Variants in SHISA8 observed in about 807,000 individuals in gnomAD.
SHISA8 encodes the protein protein shisa-8.
A neutral mutation model predicts 21.1 loss-of-function variants in SHISA8; 21 were observed. The observed-to-expected ratio is 0.99, with a 90% CI of 0.71 to 1.43. The LOEUF is 1.43. Ranked by LOEUF, SHISA8 falls within the 40% of genes most tolerant of loss-of-function variation. SHISA8 has a pLI of 0.00. For missense variants in SHISA8, 535 were observed against 599.1 expected (o/e 0.89, Z 1.12); for synonymous variants, 300 against 291.4 (o/e 1.03, Z -0.30).
chr22:41,911,242 G>A lies in SHISA8; in HGVS notation c.638C>T (p.Pro213Leu). ...TGCGCTGTTGTGGGGGGAGCCCCGG[G>A]GGAGGCCGTCCCCCATCTGCACCTG... is the stretch of plus-strand genomic sequence containing the variant. ...CVQVQMGDGL[P>L]RGSPHNSADK... Residue 213 changes from proline (P) to leucine (L), a missense_variant, in exon 2 of 4, where the codon CCC becomes CTC. Physicochemically the swap from Pro to Leu is moderately conservative, Grantham distance 98. Coordinates refer to ENST00000621082, the MANE Select transcript of SHISA8 (RefSeq NM_001207020.3). 2.3e-6 allele frequency: 3 copies of A among 1,284,306 alleles called. No individual in the cohort carries two copies. Among genetic ancestry groups the A allele is most frequent in the Non-Finnish European group, 2.0e-6 (2 of 1,015,956 alleles). The allele number at this position is 1,284,306 out of a possible 1,614,324, so 79.6% of individuals were successfully genotyped here. A position where few individuals can be genotyped will look rare whatever the true frequency, so the allele number is the denominator to read the frequency against.
chr22:41,911,524 T>TC (rs2077553523), intron 1 of SHISA8, among the ~76,000 whole-genome samples, 175 bp from the exon 2 acceptor site: 1 of 152,152 alleles, frequency 6.6e-6, no homozygotes, highest in Non-Finnish European at 1.5e-5. Context: ...TCTGCCAGCC[T>TC]CACCTGTGGC....
rs2077545318 is a variant in SHISA8 at position 41,910,644 on chromosome 22, G to A, written c.665-90C>T. On this transcript the variant is annotated intron_variant, in intron 2 of 3. Transcript: ENST00000621082. This position sits in a 1 kb window ranked among gnomAD's most constrained non-coding sequence, Gnocchi z 6.8. ...TCTCCGTAGTCCTCTCCCCGAGGCCGTTCGGTGAGAACCTGGGGGACCGTT... is the reference window on the plus strand; with the variant it reads ...TCTCCGTAGTCCTCTCCCCGAGGCCATTCGGTGAGAACCTGGGGGACCGTT... The A allele has an allele frequency of 1.7e-6, 2 of 1,195,262 alleles. No individual in the cohort carries two copies. Among genetic ancestry groups the A allele is most frequent in the African/African-American group, 1.6e-5 (1 of 63,134 alleles). 74.0% of individuals were successfully genotyped at this position (1,195,262 alleles called of 1,614,324 possible). A position where few individuals can be genotyped will look rare whatever the true frequency, so the allele number is the denominator to read the frequency against.
At position 41,910,859 on chromosome 22, in the gene SHISA8, G is replaced by A. The variant is rs368275170; in HGVS notation, c.665-305C>T. 2.0e-5 allele frequency among the ~76,000 whole-genome samples: 3 copies of A among 152,222 alleles called. No individual in the cohort carries two copies. Among genetic ancestry groups the A allele is most frequent in the African/African-American group, 7.2e-5 (3 of 41,540 alleles). On this transcript the variant is annotated intron_variant, in intron 2 of 3. Coordinates refer to ENST00000621082, the MANE Select transcript of SHISA8 (RefSeq NM_001207020.3). This position sits in a 1 kb window ranked among gnomAD's most constrained non-coding sequence, Gnocchi z 6.8. The stretch of plus-strand genomic sequence containing the variant: ...TGGGACCTGCTCCCGCCGAGACGGG[G>A]GATGTCTGAGGAACAGAACCCAGAC...
rs2077579859 is a variant in SHISA8 at position 41,915,073 on chromosome 22, C to T, written c.-406G>A. 1.4e-5 allele frequency among the ~76,000 whole-genome samples: 2 copies of T among 146,764 alleles called. No individual in the cohort carries two copies. Among genetic ancestry groups the T allele is most frequent in the South Asian group, 4.2e-4 (2 of 4,798 alleles). Reference sequence around the variant, plus strand: ...CCGCGCTCTCAGTACAGCCCGCGCTCTGGCTCCGGCTCCGGCTCCGGCTCC... The same window carrying T: ...CCGCGCTCTCAGTACAGCCCGCGCTTTGGCTCCGGCTCCGGCTCCGGCTCC... On this transcript the variant is annotated 5_prime_UTR_variant, in exon 1 of 4. Transcript: ENST00000621082. The surrounding 1 kb of genome is among the most constrained non-coding windows in gnomAD (Gnocchi z 5.0).
In SHISA8 at chr22:41,911,239, C is replaced by CG; in HGVS notation, c.640dup (p.Arg214ProfsTer154). 1.6e-6 allele frequency: 2 copies of CG among 1,279,974 alleles called. No homozygotes were observed. The highest frequency in any genetic ancestry group is 2.0e-6 in the Non-Finnish European group (2 of 1,013,740). 79.3% of individuals were successfully genotyped at this position (1,279,974 alleles called of 1,614,324 possible). A position where few individuals can be genotyped will look rare whatever the true frequency, so the allele number is the denominator to read the frequency against. On this transcript the variant is annotated frameshift_variant, in exon 2 of 4. Coordinates refer to ENST00000621082, the MANE Select transcript of SHISA8 (RefSeq NM_001207020.3). LOFTEE classifies it high-confidence loss of function. ...ACCTGCGCTGTTGTGGGGGGAGCCC[C>CG]GGGGGAGGCCGTCCCCCATCTGCAC...
At chr22:41,913,142 G>T (rs1393957995) in intron 1 of SHISA8, among the ~76,000 whole-genome samples, 2 of 152,236 alleles carry the variant, frequency 1.3e-5, no homozygotes, top group East Asian at 3.8e-4. Context: ...GGAGAAAGTG[G>T]GCTACGTGGT....
In SHISA8 at chr22:41,914,110, C is replaced by A. The variant is rs1029403056; in HGVS notation, c.530+28G>T. The A allele has an allele frequency of 6.7e-5, 93 of 1,381,426 alleles. No homozygotes were observed. The highest frequency in any genetic ancestry group is 8.3e-5 in the Non-Finnish European group (89 of 1,075,924). 85.6% of individuals were successfully genotyped at this position (1,381,426 alleles called of 1,614,324 possible). Reference sequence around the variant, plus strand: ...CAGGGAGAGCAGTCCGAGGAGCAGGCGGGGGTCCCTGGGCGGCGCGTGCTC... The same window carrying A: ...CAGGGAGAGCAGTCCGAGGAGCAGGAGGGGGTCCCTGGGCGGCGCGTGCTC... On this transcript the variant is annotated intron_variant, in intron 1 of 3. Coordinates refer to ENST00000621082, the MANE Select transcript of SHISA8 (RefSeq NM_001207020.3). The surrounding 1 kb of genome is among the most constrained non-coding windows in gnomAD (Gnocchi z 6.8).
At position 41,911,118 on chromosome 22, in the gene SHISA8, G is replaced by A. The variant is rs1014485271; in HGVS notation, c.664+98C>T. On this transcript the variant is annotated intron_variant, in intron 2 of 3. Coordinates refer to ENST00000621082, the MANE Select transcript of SHISA8 (RefSeq NM_001207020.3). Reference sequence around the variant, plus strand: ...GCAGAGGCCGCGGCTCATTTCCACCGGGGAAGCCTCTATGCCCCAGCCGAG... The same window carrying A: ...GCAGAGGCCGCGGCTCATTTCCACCAGGGAAGCCTCTATGCCCCAGCCGAG... 18 of 1,223,406 alleles carry A rather than the reference G, an allele frequency of 1.5e-5. No individual in the cohort carries two copies. The African/African-American group carries it at 2.6e-4, about 18-fold the overall frequency. The allele number at this position is 1,223,406 out of a possible 1,614,324, so 75.8% of individuals were successfully genotyped here. A position where few individuals can be genotyped will look rare whatever the true frequency, so the allele number is the denominator to read the frequency against.
rs1351582560 is a variant in SHISA8 at position 41,910,738 on chromosome 22, C to A, written c.665-184G>T. Among the ~76,000 whole-genome samples the A allele has an allele frequency of 6.6e-6, 1 of 152,154 alleles. No homozygotes were observed. The highest frequency in any genetic ancestry group is 1.5e-5 in the Non-Finnish European group (1 of 68,008). ...CCAGCGCCTGGAACAGGGCCTGGCT[C>A]CGAGTCACGCGCAGCGGCGGCGGCA... On this transcript the variant is annotated intron_variant, in intron 2 of 3. Coordinates refer to ENST00000621082, the MANE Select transcript of SHISA8 (RefSeq NM_001207020.3). This position sits in a 1 kb window ranked among gnomAD's most constrained non-coding sequence, Gnocchi z 6.8.
Position 41,914,019 on chromosome 22 carries a change from G to A in SHISA8, c.530+119C>T. ...GGGCGGCGGGGGGAGAAGGAGACAG[G>A]AAAACCCAGAGAAGGGGCCTGCTGG... is the stretch of plus-strand genomic sequence containing the variant. On this transcript the variant is annotated intron_variant, in intron 1 of 3. Coordinates refer to ENST00000621082, the MANE Select transcript of SHISA8 (RefSeq NM_001207020.3). This position sits in a 1 kb window ranked among gnomAD's most constrained non-coding sequence, Gnocchi z 6.8. 1 of 1,152,396 alleles carries A rather than the reference G, an allele frequency of 8.7e-7. No individual in the cohort carries two copies. The highest frequency in any genetic ancestry group is 3.3e-4 in the Middle Eastern group (1 of 3,042). The allele number at this position is 1,152,396 out of a possible 1,614,324, so 71.4% of individuals were successfully genotyped here.
In SHISA8 at chr22:41,910,910, C is replaced by A. The variant is rs558856662; in HGVS notation, c.664+306G>T. On this transcript the variant is annotated intron_variant, in intron 2 of 3. Transcript: ENST00000621082. This position sits in a 1 kb window ranked among gnomAD's most constrained non-coding sequence, Gnocchi z 6.8. ...GGGGCGTGGGGGCTGCCAAGCCTGCCTGCCTCTCGAGAGACCCAGGGGGAG... is the reference window on the plus strand; with the variant it reads ...GGGGCGTGGGGGCTGCCAAGCCTGCATGCCTCTCGAGAGACCCAGGGGGAG... Among the ~76,000 whole-genome samples the A allele has an allele frequency of 2.0e-5, 3 of 152,276 alleles. No individual in the cohort carries two copies. The highest frequency in any genetic ancestry group is 2.0e-4 in the Admixed American group (3 of 15,306).
Position 41,914,645 on chromosome 22 carries a change from C to G in SHISA8, c.23G>C (p.Gly8Ala). 1 of 1,024,006 alleles carries G rather than the reference C, an allele frequency of 9.8e-7. No individual in the cohort carries two copies. 63.4% of individuals were successfully genotyped at this position (1,024,006 alleles called of 1,614,324 possible). A position where few individuals can be genotyped will look rare whatever the true frequency, so the allele number is the denominator to read the frequency against. The change falls in exon 1 of 4, where the codon GGA (glycine) becomes GCA (alanine). Residue 8 changes from glycine to alanine, a missense_variant. Physicochemically the swap from Gly to Ala is moderately conservative, Grantham distance 60 (BLOSUM62 0). Transcript: ENST00000621082. The surrounding 1 kb of genome is among the most constrained non-coding windows in gnomAD (Gnocchi z 6.8). ...GGGAGGACGGCGGCCGCCGAGCAGTCCCCGCGCCCCGGCCCGCGCCATCGG... is the reference window on the plus strand; with the variant it reads ...GGGAGGACGGCGGCCGCCGAGCAGTGCCCGCGCCCCGGCCCGCGCCATCGG... MARAGAR[G>A]LLGGRRPPGL...
Position 41,914,063 on chromosome 22 carries a change from A to G in SHISA8, c.530+75T>C. 1.6e-6 allele frequency: 2 copies of G among 1,288,184 alleles called. No individual in the cohort carries two copies. Among genetic ancestry groups the G allele is most frequent in the Middle Eastern group, 3.0e-4 (1 of 3,308 alleles). The allele number at this position is 1,288,184 out of a possible 1,614,324, so 79.8% of individuals were successfully genotyped here. A position where few individuals can be genotyped will look rare whatever the true frequency, so the allele number is the denominator to read the frequency against. ...CTGCTGGGAGAACCAGCGCTTCGAG[A>G]GCGGCGGGAAGGATCAGCGGGCAGG... is the stretch of plus-strand genomic sequence containing the variant. On this transcript the variant is annotated intron_variant, in intron 1 of 3. Coordinates refer to ENST00000621082, the MANE Select transcript of SHISA8 (RefSeq NM_001207020.3). This position sits in a 1 kb window ranked among gnomAD's most constrained non-coding sequence, Gnocchi z 6.8.
In SHISA8 at chr22:41,914,236, A is replaced by C; in HGVS notation, c.432T>G (p.Ala144=). The C allele has an allele frequency of 7.1e-7, 1 of 1,415,966 alleles. No individual in the cohort carries two copies. The highest frequency in any genetic ancestry group is 3.1e-5 in the East Asian group (1 of 32,704). The allele number at this position is 1,415,966 out of a possible 1,614,324, so 87.7% of individuals were successfully genotyped here. Reference sequence around the variant, plus strand: ...CCAGCAGCGCTGCGACGCCGCACACAGCGTAGACGGCCGTATGGCTGCGCT... The same window carrying C: ...CCAGCAGCGCTGCGACGCCGCACACCGCGTAGACGGCCGTATGGCTGCGCT... ...GRERSHTAVY[A]VCGVAALLVL... is the part of the protein sequence containing the mutation. The change falls in exon 1 of 4, where the codon GCT becomes GCG. Residue 144 remains alanine, a synonymous_variant. Coordinates refer to ENST00000621082, the MANE Select transcript of SHISA8 (RefSeq NM_001207020.3). This position sits in a 1 kb window ranked among gnomAD's most constrained non-coding sequence, Gnocchi z 6.8.
At chr22:41,911,072 G>A in intron 2 of SHISA8, 144 bp downstream of exon 2, 2 of 1,099,522 alleles carry the variant, frequency 1.8e-6, no homozygotes, top group Non-Finnish European at 2.3e-6. Flanking sequence ...CGAGCTGGCT[G>A]GCCGGTCGGG....
chr22:41,911,213 C>T lies in SHISA8; in HGVS notation c.664+3G>A. 1 of 1,281,434 alleles carries T rather than the reference C, an allele frequency of 7.8e-7. No individual in the cohort carries two copies. Among genetic ancestry groups the T allele is most frequent in the Non-Finnish European group, 9.8e-7 (1 of 1,016,356 alleles). 79.4% of individuals were successfully genotyped at this position (1,281,434 alleles called of 1,614,324 possible). The stretch of plus-strand genomic sequence containing the variant: ...CGCTCAGCCCCGCCCGCCACCGACT[C>T]ACCTGCGCTGTTGTGGGGGGAGCCC... On this transcript the variant is annotated splice_donor_region_variant and intron_variant, in intron 2 of 3. Transcript: ENST00000621082.
rs2077544702 is a variant in SHISA8, at chr22:41,910,591, C to G, written c.665-37G>C. 1.6e-6 allele frequency: 2 copies of G among 1,218,350 alleles called. No individual in the cohort carries two copies. Among genetic ancestry groups the G allele is most frequent in the Non-Finnish European group, 2.0e-6 (2 of 978,754 alleles). 75.5% of individuals were successfully genotyped at this position (1,218,350 alleles called of 1,614,324 possible). On this transcript the variant is annotated intron_variant, in intron 2 of 3. Transcript: ENST00000621082. This position sits in a 1 kb window ranked among gnomAD's most constrained non-coding sequence, Gnocchi z 6.8. ...AGTGAGACGCGGCTCGGTCCGATGC[C>G]CCGGTTCACTCCGCCCTCGCTGTCA...
In SHISA8 at chr22:41,910,190, C is replaced by T; in HGVS notation, c.812-43G>A. On this transcript the variant is annotated intron_variant, in intron 3 of 3. Coordinates refer to ENST00000621082, the MANE Select transcript of SHISA8 (RefSeq NM_001207020.3). This position sits in a 1 kb window ranked among gnomAD's most constrained non-coding sequence, Gnocchi z 6.8. Reference sequence around the variant, plus strand: ...GGAAGAGTGACGCCGCGCCGAGCACCCAAGCTCAGGACTGGACAAGGGGTC... The same window carrying T: ...GGAAGAGTGACGCCGCGCCGAGCACTCAAGCTCAGGACTGGACAAGGGGTC... 1 of 1,229,324 alleles carries T rather than the reference C, an allele frequency of 8.1e-7. No individual in the cohort carries two copies. The highest frequency in any genetic ancestry group is 4.0e-5 in the South Asian group (1 of 25,204). 76.2% of individuals were successfully genotyped at this position (1,229,324 alleles called of 1,614,324 possible).
Position 41,911,226 on chromosome 22 carries a change from G to T in SHISA8, c.654C>A (p.His218Gln), listed in dbSNP as rs758822267. 8.7e-5 allele frequency: 111 copies of T among 1,283,126 alleles called. No homozygotes were observed. The highest frequency in any genetic ancestry group is 1.0e-4 in the Non-Finnish European group (104 of 1,016,140). 79.5% of individuals were successfully genotyped at this position (1,283,126 alleles called of 1,614,324 possible). The change falls in exon 2 of 4, where the codon CAC becomes CAA. Residue 218 changes from histidine (H) to glutamine (Q), a missense_variant. Physicochemically the swap from His to Gln is conservative, Grantham distance 24 (BLOSUM62 0). Coordinates refer to ENST00000621082, the MANE Select transcript of SHISA8 (RefSeq NM_001207020.3). ...MGDGLPRGSP[H>Q]NSADKKRLNN... ...CCGCCACCGACTCACCTGCGCTGTTGTGGGGGGAGCCCCGGGGGAGGCCGT... is the reference window on the plus strand; with the variant it reads ...CCGCCACCGACTCACCTGCGCTGTTTTGGGGGGAGCCCCGGGGGAGGCCGT...
Sources: allele counts gnomAD v4.1 joint callset (sites outside exome capture counted in the v4.1 genomes callset), GRCh38; gene constraint gnomAD v4.1.1; non-coding constraint Gnocchi (gnomAD v3.1); transcripts MANE v1.5; gene names NCBI Gene and HGNC (gene_info 2026-07-23, HGNC 2026-07-21).